GRID2: variants seen among roughly 807,000 people sequenced by gnomAD.
The protein encoded by GRID2 is glutamate receptor ionotropic, delta-2.
In GRID2, 33 loss-of-function variants were observed where a neutral mutation model predicts 114.8. The ratio of observed to expected loss-of-function variants is 0.29; its 90% CI spans 0.22 to 0.38. The LOEUF (loss-of-function observed/expected upper bound fraction) is 0.38, where lower values mean the gene tolerates loss of function less well. Among genes scored for constraint, GRID2 ranks in the 10% least tolerant of loss-of-function variants. GRID2 has a pLI of 1.00. For synonymous variants in GRID2, 505 were observed against 449.9 expected (o/e 1.12, Z -1.55); for missense variants, 1,184 against 1,257.7 (o/e 0.94, Z 0.89).
chr4:93,375,808 T>C (rs189132569), intron 8 of GRID2, among the ~76,000 whole-genome samples: 89 of 152,280 alleles, frequency 5.8e-4, no homozygotes, highest in Middle Eastern at 3.4e-3. Context: ...GAAGAAGAAA[T>C]GGTAAAAGTA....
intron 2 of GRID2, among the ~76,000 whole-genome samples, chr4:92,743,371 CTGT>C (rs1204166090): frequency 6.6e-6 from 1 of 151,966 alleles, no homozygotes; most frequent in Non-Finnish European, 1.5e-5. Flanking sequence ...TCTTTCATTT[CTGT>C]TGTATATGAG....
rs375253088 is a variant in GRID2 at position 93,106,617 on chromosome 4, C to A, written c.530-4131C>A. 1.2e-4 allele frequency among the ~76,000 whole-genome samples: 19 copies of A among 152,302 alleles called. 1 individual carries two copies. The South Asian group carries it at 1.4e-3, about 12-fold the overall frequency. ...GGATTACAGGCATGAGCCACTGCAC[C>A]CAGAGTACTCTCTTTTTTAATGACT... On this transcript the variant is annotated intron_variant, in intron 3 of 15. Transcript: ENST00000282020.
intron 2 of GRID2, among the ~76,000 whole-genome samples, chr4:92,725,122 G>A (rs916737311): frequency 6.6e-6 from 1 of 152,050 alleles, no homozygotes; most frequent in African/African-American, 2.4e-5. Context: ...GCAACATGGC[G>A]AAACCCCGTC....
chr4:93,793,551 A>G (rs1428413709), intron 1 of GRID2, among the ~76,000 whole-genome samples: 2 of 152,174 alleles, frequency 1.3e-5, no homozygotes, highest in African/African-American at 4.8e-5. Flanking sequence ...TTCAACCATC[A>G]TTGATGCTTG....
At chr4:93,056,246 TC>T (rs1482162796) in intron 2 of GRID2, among the ~76,000 whole-genome samples, 1 of 151,928 alleles carries the variant, frequency 6.6e-6, no homozygotes, top group Non-Finnish European at 1.5e-5. Context: ...GGAGGTCAGA[TC>T]TGCACATTGA....
intron 13 of GRID2, among the ~76,000 whole-genome samples, chr4:93,621,858 T>C (rs1009200221): frequency 5.9e-5 from 9 of 152,208 alleles, no homozygotes; most frequent in African/African-American, 2.2e-4. Flanking sequence ...TCATAATTCT[T>C]TGGAACATTA....
intron 4 of GRID2, among the ~76,000 whole-genome samples, chr4:93,204,370 A>G (rs1742442627): frequency 6.6e-6 from 1 of 152,168 alleles, no homozygotes; most frequent in South Asian, 2.1e-4. Flanking sequence ...GTACTTGCCT[A>G]TGGTGAAGAG....
At chr4:92,304,863 T>G (rs1016241156) in intron 1 of GRID2, 119 bp downstream of exon 1, 123 of 742,024 alleles carry the variant, frequency 1.7e-4, no homozygotes, top group Non-Finnish European at 2.3e-4. Context: ...TTCAGTTCAT[T>G]GCCCCTTCCC....
chr4:92,537,865 TAATA>T (rs1197807266), intron 1 of GRID2, among the ~76,000 whole-genome samples: 3 of 149,474 alleles, frequency 2.0e-5, no homozygotes, highest in Non-Finnish European at 4.5e-5. Context: ...GAATTAGTAG[TAATA>T]AATAAATATA....
intron 13 of GRID2, among the ~76,000 whole-genome samples, chr4:93,617,411 C>G (rs1241598964): frequency 2.0e-5 from 3 of 152,116 alleles, no homozygotes; most frequent in South Asian, 2.1e-4. Context: ...TGTCTTATTC[C>G]AAACTATGAG....
At chr4:92,597,319 C>A (rs938193590) in intron 2 of GRID2, among the ~76,000 whole-genome samples, 14 of 152,022 alleles carry the variant, frequency 9.2e-5, no homozygotes, top group Non-Finnish European at 1.6e-4. Flanking sequence ...TGTTTTACTG[C>A]TGTATTTGTA....
intron 2 of GRID2, among the ~76,000 whole-genome samples, chr4:93,036,191 C>A (rs1724917449): frequency 6.6e-6 from 1 of 152,032 alleles, no homozygotes; most frequent in Non-Finnish European, 1.5e-5. Flanking sequence ...CTAAAACAAC[C>A]TCTCTCCTCC....
intron 1 of GRID2, among the ~76,000 whole-genome samples, chr4:92,460,194 G>A (rs1037870095): frequency 6.6e-6 from 1 of 151,042 alleles, no homozygotes; most frequent in African/African-American, 2.4e-5. Context: ...GTCACTCAAT[G>A]TATATGTGAT....
At chr4:93,143,789 A>T (rs763697943) in intron 4 of GRID2, among the ~76,000 whole-genome samples, 18 of 152,198 alleles carry the variant, frequency 1.2e-4, no homozygotes, top group Non-Finnish European at 1.8e-4. Context: ...GATTATTCTA[A>T]CATCTAAACA....
At chr4:93,569,155 A>T (rs1301356748) in intron 13 of GRID2, among the ~76,000 whole-genome samples, 3 of 152,168 alleles carry the variant, frequency 2.0e-5, no homozygotes, top group Non-Finnish European at 4.4e-5. Context: ...TCACTTATCC[A>T]GAGTCCCCTG....
intron 2 of GRID2, among the ~76,000 whole-genome samples, chr4:92,941,887 C>G (rs906914129): frequency 1.9e-4 from 29 of 152,034 alleles, no homozygotes; most frequent in African/African-American, 3.1e-4. Flanking sequence ...TTTTGAGTGA[C>G]TTTCTTCATC....
At chr4:92,572,369 G>A (rs185718018) in intron 1 of GRID2, among the ~76,000 whole-genome samples, 5 of 151,930 alleles carry the variant, frequency 3.3e-5, no homozygotes, top group East Asian at 3.9e-4. Context: ...CCAATAACAG[G>A]CTTTGAAATT....
At chr4:93,165,685 A>T (rs1386981180) in intron 4 of GRID2, among the ~76,000 whole-genome samples, 3 of 152,092 alleles carry the variant, frequency 2.0e-5, no homozygotes, top group African/African-American at 7.2e-5. Flanking sequence ...CTGCTTTTTC[A>T]TATCAGAGCT....
At chr4:93,149,585 A>AG (rs1389207985) in intron 4 of GRID2, among the ~76,000 whole-genome samples, 1 of 151,336 alleles carries the variant, frequency 6.6e-6, no homozygotes, top group Non-Finnish European at 1.5e-5. Context: ...AAAAAAAAAA[A>AG]CAAAAACAAG....
Sources: gnomAD v4.1 joint callset for allele counts (sites outside exome capture counted in the v4.1 genomes callset) on GRCh38, gnomAD v4.1.1 for gene constraint, MANE v1.5 for transcripts, NCBI Gene and HGNC (gene_info 2026-07-23, HGNC 2026-07-21) for gene names.